Variants in PCDH15 observed in about 807,000 individuals in gnomAD.
PCDH15 encodes protocadherin-15.
Under a neutral mutation model 178.5 loss-of-function variants are expected in PCDH15, and 129 were observed. The ratio of observed to expected loss-of-function variants is 0.72; its 90% CI spans 0.63 to 0.84. The LOEUF (loss-of-function observed/expected upper bound fraction) is 0.84. Among genes scored for constraint, PCDH15 ranks in the 40% least tolerant of loss-of-function variants. PCDH15 has a pLI of 0.00. For missense variants in PCDH15, 2,230 were observed against 2,099.9 expected (o/e 1.06, Z -1.21); for synonymous variants, 800 against 732.0 (o/e 1.09, Z -1.50).
intron 3 of PCDH15, among the ~76,000 whole-genome samples, chr10:54,881,729 T>A (rs983089621): frequency 6.6e-6 from 1 of 152,118 alleles, no homozygotes; most frequent in Non-Finnish European, 1.5e-5. Context: ...TACCTCAATT[T>A]TTAAAGATTA....
intron 3 of PCDH15, among the ~76,000 whole-genome samples, chr10:54,427,252 T>G (rs1475032463): frequency 6.6e-6 from 1 of 150,518 alleles, no homozygotes; most frequent in East Asian, 1.9e-4. Flanking sequence ...TTCCTCTCAT[T>G]TCTTTCTCTT....
chr10:55,285,384 A>G (rs1040599983), intron 1 of PCDH15, among the ~76,000 whole-genome samples: 3 of 151,498 alleles, frequency 2.0e-5, no homozygotes, highest in Admixed American at 1.3e-4. Context: ...AGGTACATAT[A>G]TTATTATGAT....
chr10:53,836,665 A>G (rs2077326794), intron 29 of PCDH15, among the ~76,000 whole-genome samples: 1 of 152,220 alleles, frequency 6.6e-6, no homozygotes, highest in Admixed American at 6.5e-5. Context: ...TGTAATGTCC[A>G]TTTACAGGCA....
At chr10:55,254,413 TA>T (rs1841932059) in intron 1 of PCDH15, among the ~76,000 whole-genome samples, 1 of 152,170 alleles carries the variant, frequency 6.6e-6, no homozygotes, top group African/African-American at 2.4e-5. Context: ...CAGCAGCATC[TA>T]GAACCTTTGA....
At chr10:54,135,470 A>G (rs1190812869) in intron 14 of PCDH15, among the ~76,000 whole-genome samples, 1 of 152,204 alleles carries the variant, frequency 6.6e-6, no homozygotes, top group Non-Finnish European at 1.5e-5. Context: ...AATGTATTGT[A>G]TACTGCAAAG....
chr10:55,463,839 A>T (rs1230984070), intron 2 of PCDH15, among the ~76,000 whole-genome samples: 1 of 150,884 alleles, frequency 6.6e-6, no homozygotes, highest in Non-Finnish European at 1.5e-5. Flanking sequence ...TAAATGAGAT[A>T]GGGTGACAGA....
Position 54,282,309 on chromosome 10 carries a change from A to T in PCDH15, c.876+34962T>A, listed in dbSNP as rs7907468. On this transcript the variant is annotated intron_variant, in intron 8 of 37. Coordinates refer to ENST00000644397, the MANE Select transcript of PCDH15 (RefSeq NM_001384140.1). ...TTCAATGCAGGTTAAGTCTGAAAAC[A>T]CTGGAAAAGAGGAGAGAAAAAGAGA... Among the ~76,000 whole-genome samples the T allele has an allele frequency of 4.5e-3, 678 of 152,178 alleles. 8 individuals are homozygous for T. The highest frequency in any genetic ancestry group is 0.016 in the African/African-American group (646 of 41,530).
intron 25 of PCDH15, among the ~76,000 whole-genome samples, chr10:53,922,826 C>T (rs2084112762): frequency 6.6e-6 from 1 of 152,090 alleles, no homozygotes; most frequent in Non-Finnish European, 1.5e-5. Flanking sequence ...GTGGCTCGTG[C>T]CTGTAATCCC....
chr10:54,389,399 T>C (rs1950272801), intron 3 of PCDH15, among the ~76,000 whole-genome samples: 1 of 152,224 alleles, frequency 6.6e-6, no homozygotes, highest in South Asian at 2.1e-4. Flanking sequence ...CCTAGAGATC[T>C]TGTTAGAATT....
At chr10:54,239,430 T>TAG (rs1041471540) in intron 8 of PCDH15, among the ~76,000 whole-genome samples, 87 of 142,698 alleles carry the variant, frequency 6.1e-4, no homozygotes, top group South Asian at 4.2e-3. Context: ...TATATATATA[T>TAG]ATAGAGTAAG....
chr10:54,716,705 A>C (rs1384187952), intron 1 of PCDH15, among the ~76,000 whole-genome samples: 1 of 152,076 alleles, frequency 6.6e-6, no homozygotes, highest in Non-Finnish European at 1.5e-5. Context: ...CATAGATTCA[A>C]TGCCATCCCC....
intron 1 of PCDH15, among the ~76,000 whole-genome samples, chr10:55,180,318 T>A (rs1839607588): frequency 6.6e-6 from 1 of 152,144 alleles, no homozygotes; most frequent in Admixed American, 6.6e-5. Context: ...GGTCACAAAA[T>A]GACTTCTTAC....
At chr10:54,473,922 A>G (rs2078093870) in intron 3 of PCDH15, among the ~76,000 whole-genome samples, 1 of 151,812 alleles carries the variant, frequency 6.6e-6, no homozygotes, top group Non-Finnish European at 1.5e-5. Context: ...TAAATTCTCT[A>G]TAAACATAAT....
intron 2 of PCDH15, among the ~76,000 whole-genome samples, chr10:54,552,158 G>A (rs1262324141): frequency 6.6e-6 from 1 of 151,850 alleles, no homozygotes; most frequent in Non-Finnish European, 1.5e-5. Context: ...TGAAGATTTT[G>A]CCTTATATTC....
At chr10:54,256,568 A>T (rs1298906070) in intron 8 of PCDH15, among the ~76,000 whole-genome samples, 1 of 152,138 alleles carries the variant, frequency 6.6e-6, no homozygotes, top group Non-Finnish European at 1.5e-5. Flanking sequence ...CTGACTTTGA[A>T]TACTCTGTTT....
intron 2 of PCDH15, among the ~76,000 whole-genome samples, chr10:54,911,829 C>T (rs1954823642): frequency 6.6e-6 from 1 of 152,156 alleles, no homozygotes; most frequent in Non-Finnish European, 1.5e-5. Context: ...TTCCCTTCAC[C>T]TTCTGTCATG....
chr10:54,447,199 TACA>T (rs2076194995), intron 3 of PCDH15, among the ~76,000 whole-genome samples: 1 of 151,674 alleles, frequency 6.6e-6, no homozygotes. Flanking sequence ...TTTGGGTCTC[TACA>T]ACATCTTCAC....
At chr10:54,545,619 A>C in intron 2 of PCDH15, among the ~76,000 whole-genome samples, 1 of 152,074 alleles carries the variant, frequency 6.6e-6, no homozygotes, top group East Asian at 1.9e-4. Context: ...CCAATATACC[A>C]AGAACTTTTA....
intron 2 of PCDH15, among the ~76,000 whole-genome samples, chr10:54,541,793 G>A (rs1326623355): frequency 6.6e-6 from 1 of 151,992 alleles, no homozygotes; most frequent in Non-Finnish European, 1.5e-5. Flanking sequence ...TAATGAGGAG[G>A]CTCAGAGGAA....
Sources: allele counts gnomAD v4.1 joint callset (sites outside exome capture counted in the v4.1 genomes callset), GRCh38; gene constraint gnomAD v4.1.1; transcripts MANE v1.5; gene names NCBI Gene and HGNC (gene_info 2026-07-23, HGNC 2026-07-21).